HTR1F: variants seen among roughly 807,000 people sequenced by gnomAD.
HTR1F encodes 5-hydroxytryptamine (serotonin) receptor 1F, G protein-coupled.
In HTR1F, 17 loss-of-function variants were observed where a neutral mutation model predicts 24.0. That is an observed-to-expected ratio of 0.71 (90% CI 0.48 to 1.06). The LOEUF (loss-of-function observed/expected upper bound fraction) is 1.06, where lower values mean the gene tolerates loss of function less well. Among genes scored for constraint, HTR1F ranks in the 50% least tolerant of loss-of-function variants. The pLI is 0.00. For missense variants in HTR1F, 391 were observed against 427.8 expected, an observed-to-expected ratio of 0.91 and a Z score of 0.76; for synonymous variants, 186 against 156.8, an observed-to-expected ratio of 1.19 and a Z score of -1.39.
chr3:87,957,499 T>A lies in HTR1F; in HGVS notation c.-42-33209T>A, dbSNP rs750426814. 2.6e-5 allele frequency among the ~76,000 whole-genome samples: 4 copies of A among 151,494 alleles called. No individual in the cohort carries two copies. In the East Asian group the frequency reaches 7.7e-4, roughly 29 times the overall value. ...CATATGAAAATGTTTCTTTCTCTTC[T>A]ATTTACTCAAGGCATTTGTATTAAA... On this transcript the variant is annotated intron_variant, in intron 2 of 2. Coordinates refer to ENST00000319595, the MANE Select transcript of HTR1F (RefSeq NM_001322209.2).
At chr3:87,885,741 A>G (rs1705924367) in intron 2 of HTR1F, among the ~76,000 whole-genome samples, 2 of 152,230 alleles carry the variant, frequency 1.3e-5, no homozygotes, top group Admixed American at 6.5e-5. Context: ...AAAATCTAGA[A>G]TAAATGGATA....
At position 87,986,325 on chromosome 3, in the gene HTR1F, T is replaced by C. The variant is rs535781761; in HGVS notation, c.-42-4383T>C. Among the ~76,000 whole-genome samples the C allele has an allele frequency of 5.3e-5, 8 of 152,284 alleles. No homozygotes were observed. In the South Asian group the frequency reaches 1.2e-3, roughly 24 times the overall value. ...CCCAACGCCATTGGTTGCCTTTGTT[T>C]TTCTATTTTCTTTGTTGTCTATAAA... On this transcript the variant is annotated intron_variant, in intron 2 of 2. Transcript: ENST00000319595.
intron 2 of HTR1F, among the ~76,000 whole-genome samples, chr3:87,927,162 A>G (rs559688810): frequency 6.6e-6 from 1 of 152,148 alleles, no homozygotes; most frequent in Non-Finnish European, 1.5e-5. Flanking sequence ...GCCACAACTT[A>G]AGTGTAGATG....
intron 1 of HTR1F, among the ~76,000 whole-genome samples, chr3:87,819,160 G>T (rs1704306124): frequency 6.6e-6 from 1 of 152,122 alleles, no homozygotes; most frequent in Non-Finnish European, 1.5e-5. Flanking sequence ...TCAGCAATAA[G>T]ATTACTGGTC....
chr3:87,827,620 G>GA (rs2107142117), intron 2 of HTR1F, among the ~76,000 whole-genome samples: 1 of 152,246 alleles, frequency 6.6e-6, no homozygotes, highest in Non-Finnish European at 1.5e-5. Context: ...AAAATCCTTT[G>GA]AAAAATTAAT....
chr3:87,988,518 T>C (rs1037337014), intron 2 of HTR1F, among the ~76,000 whole-genome samples: 1 of 152,208 alleles, frequency 6.6e-6, no homozygotes, highest in African/African-American at 2.4e-5. Flanking sequence ...TTAGTACTGG[T>C]ACCCAAAGTA....
chr3:87,887,463 A>C (rs1431746616), intron 2 of HTR1F, among the ~76,000 whole-genome samples: 1 of 152,212 alleles, frequency 6.6e-6, no homozygotes, highest in Non-Finnish European at 1.5e-5. Context: ...ACAAAAGCCA[A>C]AATTGACAAA....
intron 2 of HTR1F, among the ~76,000 whole-genome samples, chr3:87,850,432 G>A (rs775385658): frequency 2.0e-5 from 3 of 151,806 alleles, no homozygotes; most frequent in Non-Finnish European, 4.4e-5. Context: ...CACAGGAAGG[G>A]TAACATCACA....
At chr3:87,935,510 A>G (rs927997573) in intron 2 of HTR1F, among the ~76,000 whole-genome samples, 8 of 152,298 alleles carry the variant, frequency 5.3e-5, no homozygotes, top group African/African-American at 1.9e-4. Context: ...ACAAAGAAAA[A>G]AAAAAAAGGT....
intron 2 of HTR1F, among the ~76,000 whole-genome samples, chr3:87,864,891 CAAAAA>C (rs751380551): frequency 2.5e-5 from 2 of 78,766 alleles, no homozygotes; most frequent in African/African-American, 8.4e-5. Context: ...GACTTCATCT[CAAAAA>C]AAAAAAAAAA....
At chr3:87,936,567 CTG>C (rs1391878808) in intron 2 of HTR1F, among the ~76,000 whole-genome samples, 3 of 152,048 alleles carry the variant, frequency 2.0e-5, no homozygotes, top group Non-Finnish European at 4.4e-5. Flanking sequence ...ATACCACAGA[CTG>C]GAGGTAAAAT....
intron 2 of HTR1F, among the ~76,000 whole-genome samples, chr3:87,950,651 C>T (rs1704813675): frequency 6.6e-6 from 1 of 151,840 alleles, no homozygotes; most frequent in South Asian, 2.1e-4. Context: ...TGGAATAATA[C>T]ATGGAATGGC....
At chr3:87,943,046 C>T (rs1704608764) in intron 2 of HTR1F, among the ~76,000 whole-genome samples, 1 of 152,182 alleles carries the variant, frequency 6.6e-6, no homozygotes, top group African/African-American at 2.4e-5. Context: ...AATTCATAGG[C>T]TTCTTCCTAG....
At chr3:87,896,810 G>A (rs1341335167) in intron 2 of HTR1F, among the ~76,000 whole-genome samples, 2 of 152,158 alleles carry the variant, frequency 1.3e-5, no homozygotes, top group Non-Finnish European at 2.9e-5. Context: ...CAGCAGGTAT[G>A]TGAAAAGATG....
At chr3:87,938,563 A>G (rs758169518) in intron 2 of HTR1F, among the ~76,000 whole-genome samples, 5 of 152,224 alleles carry the variant, frequency 3.3e-5, no homozygotes, top group African/African-American at 7.2e-5. Flanking sequence ...AGTAATTAAA[A>G]TAGCATGGTA....
At chr3:87,952,945 T>G (rs564067522) in intron 2 of HTR1F, among the ~76,000 whole-genome samples, 1 of 151,960 alleles carries the variant, frequency 6.6e-6, no homozygotes, top group East Asian at 1.9e-4. Flanking sequence ...TGAGTATGTT[T>G]TTTATCAAAA....
Position 87,990,796 on chromosome 3 carries a change from T to C in HTR1F, c.47T>C (p.Leu16Pro), listed in dbSNP as rs1460041308. 3.1e-6 allele frequency: 5 copies of C among 1,613,694 alleles called. No homozygotes were observed. The South Asian group carries it at 3.3e-5, about 11-fold the overall frequency. ...SSDQNLTSEE[L>P]LNRMPSKILV... ...GATCAAAACTTGACCTCAGAGGAAC[T>C]GTTAAACAGAATGCCATCCAAAATT... is the stretch of plus-strand genomic sequence containing the variant. The change falls in exon 3 of 3, where the codon CTG becomes CCG. Residue 16 changes from leucine to proline, a missense_variant. Physicochemically the swap from Leu to Pro is moderately conservative, Grantham distance 98. Transcript: ENST00000319595.
chr3:87,915,212 G>A (rs1302539597), intron 2 of HTR1F, among the ~76,000 whole-genome samples: 1 of 152,082 alleles, frequency 6.6e-6, no homozygotes, highest in Non-Finnish European at 1.5e-5. Flanking sequence ...CAGCCTTCAG[G>A]CCTAGACCTC....
chr3:87,837,339 C>T (rs1254232532), intron 2 of HTR1F, among the ~76,000 whole-genome samples: 2 of 151,998 alleles, frequency 1.3e-5, no homozygotes, highest in East Asian at 1.9e-4. Context: ...ATAAGGCAGT[C>T]GTCAACAACT....
Sources: allele counts gnomAD v4.1 joint callset (sites outside exome capture counted in the v4.1 genomes callset), GRCh38; gene constraint gnomAD v4.1.1; transcripts MANE v1.5; gene names NCBI Gene and HGNC (gene_info 2026-07-23, HGNC 2026-07-21).